Variants in MPP4 observed in about 807,000 individuals in gnomAD.
MPP4 encodes MAGUK p55 scaffold protein 4, also known as MAGUK p55 subfamily member 4.
Under a neutral mutation model 98.3 loss-of-function variants are expected in MPP4, and 91 were observed. The observed-to-expected ratio is 0.93, with a 90% CI of 0.78 to 1.10. The LOEUF is 1.10. Ranked by LOEUF, MPP4 falls within the 50% of genes least tolerant of loss-of-function variation. The pLI is 0.00. For missense variants in MPP4, 744 were observed against 792.9 expected, an observed-to-expected ratio of 0.94 and a Z score of 0.74; for synonymous variants, 261 against 271.8, an observed-to-expected ratio of 0.96 and a Z score of 0.39.
intron 10 of MPP4, 171 bp downstream of exon 10, chr2:201,680,667 A>T (rs1688640044): frequency 1.7e-6 from 1 of 581,606 alleles, no homozygotes; most frequent in Non-Finnish European, 3.0e-6. Flanking sequence ...TTGGTATTTA[A>T]GATGCTTAGG....
intron 1 of MPP4, chr2:201,698,194 C>G (rs1046126379): frequency 6.2e-5 from 36 of 584,112 alleles, no homozygotes; most frequent in Non-Finnish European, 8.0e-5. Flanking sequence ...TGCCACAACC[C>G]CCTACCCTTA....
At chr2:201,687,736 C>T (rs111828638) in intron 4 of MPP4, among the ~76,000 whole-genome samples, 3 of 152,256 alleles carry the variant, frequency 2.0e-5, no homozygotes, top group African/African-American at 7.2e-5. Context: ...GCTTTGCAGG[C>T]TTATGAAGCT....
intron 13 of MPP4, 75 bp downstream of exon 13, chr2:201,666,259 C>G: frequency 7.5e-7 from 1 of 1,341,996 alleles, no homozygotes; most frequent in Non-Finnish European, 1.0e-6. Flanking sequence ...CTTTGGACAC[C>G]TCTGCTTCAG....
chr2:201,658,510 C>A lies in MPP4; in HGVS notation c.1096G>T (p.Glu366Ter). The change falls in exon 16 of 22, where the codon GAG becomes TAG. Residue 366 changes from glutamate (E) to a stop codon, truncating the protein, a stop_gained. Coordinates refer to ENST00000409474, the MANE Select transcript of MPP4 (RefSeq NM_033066.3). LOFTEE classifies it high-confidence loss of function. Reference protein sequence around the residue: ...ESEELSEDKEEFVGYGQKFFI... With the variant: ...ESEELSEDKE Reference sequence around the variant, plus strand: ...AACTTCTGACCGTAGCCAACAAACTCCTCCTTGTCTGAAACACAAAGAACA... The same window carrying A: ...AACTTCTGACCGTAGCCAACAAACTACTCCTTGTCTGAAACACAAAGAACA... The A allele has an allele frequency of 6.2e-7, 1 of 1,612,988 alleles. No homozygotes were observed. Among genetic ancestry groups the A allele is most frequent in the South Asian group, 1.1e-5 (1 of 90,766 alleles).
chr2:201,682,110 T>C lies in MPP4; in HGVS notation c.661-543A>G, dbSNP rs555663797. Among the ~76,000 whole-genome samples, 3 of 152,198 alleles carry C rather than the reference T, an allele frequency of 2.0e-5. No individual in the cohort carries two copies. The South Asian group carries it at 6.2e-4, about 32-fold the overall frequency. On this transcript the variant is annotated intron_variant, in intron 8 of 21. Transcript: ENST00000409474. Reference sequence around the variant, plus strand: ...CTGTTACATACACTGTGATGGGCATTAAACATCTAGAGATTAAGACCCCGT... The same window carrying C: ...CTGTTACATACACTGTGATGGGCATCAAACATCTAGAGATTAAGACCCCGT...
chr2:201,693,412 T>C (rs1689094960), intron 2 of MPP4, among the ~76,000 whole-genome samples: 1 of 152,224 alleles, frequency 6.6e-6, no homozygotes. Flanking sequence ...CTGTATCCTC[T>C]TTCTCTAACT....
Position 201,656,191 on chromosome 2 carries a change from G to A in MPP4, c.1300+7C>T. The stretch of plus-strand genomic sequence containing the variant: ...GAGGAGGAGAGACAGTGCATGCTGG[G>A]ACATACCCATGAGCACTATGAGGCG... On this transcript the variant is annotated splice_region_variant and intron_variant, in intron 17 of 21. Transcript: ENST00000409474. 1.3e-6 allele frequency: 2 copies of A among 1,598,430 alleles called. No homozygotes were observed. The highest frequency in any genetic ancestry group is 1.7e-6 in the Non-Finnish European group (2 of 1,172,330).
rs755115299 is a variant in MPP4, at chr2:201,692,932, C to T, written c.177G>A (p.Ser59=). The T allele has an allele frequency of 7.5e-6, 12 of 1,610,014 alleles. No individual in the cohort carries two copies. Among genetic ancestry groups the T allele is most frequent in the East Asian group, 4.5e-5 (2 of 44,698 alleles). Residue 59 remains serine (S), a synonymous_variant, in exon 3 of 22, where the codon TCG becomes TCA. Transcript: ENST00000409474. ...CCTTTAGCAGAGCCTGAAGCCACGG[C>T]GAGTGGAGGAGATCGTACAAGAGAC... ...GVCLLYDLLH[S]PWLQALLKIY...
intron 21 of MPP4, 78 bp downstream of exon 21, chr2:201,647,613 C>A: frequency 6.6e-7 from 1 of 1,509,274 alleles, no homozygotes; most frequent in Non-Finnish European, 9.0e-7. Context: ...GATCAGAGAT[C>A]CTTGGCCCAG....
At chr2:201,677,460 C>T (rs578107083) in intron 10 of MPP4, among the ~76,000 whole-genome samples, 5 of 152,256 alleles carry the variant, frequency 3.3e-5, no homozygotes, top group Admixed American at 2.0e-4. Context: ...AGCCTTCCTC[C>T]TCACTCTTTC....
intron 11 of MPP4, chr2:201,673,670 T>C (rs1688410122): frequency 6.4e-6 from 1 of 155,240 alleles, no homozygotes; most frequent in Admixed American, 6.5e-5. Flanking sequence ...TGGAAGTTAA[T>C]ATGAAAATAT....
intron 15 of MPP4, 119 bp from the exon 16 acceptor site, chr2:201,658,637 GA>G (rs1687926101): frequency 5.1e-6 from 4 of 784,462 alleles, no homozygotes; most frequent in Non-Finnish European, 8.1e-6. Flanking sequence ...CAGCAGAGTT[GA>G]ATTTATCCTT....
At chr2:201,674,966 T>A (rs1688460850) in intron 11 of MPP4, 1 of 629,920 alleles carries the variant, frequency 1.6e-6, no homozygotes, top group Non-Finnish European at 2.9e-6. Flanking sequence ...TCCCTATGAT[T>A]TCGTCTCTGA....
chr2:201,664,732 A>G (rs1574611879), intron 13 of MPP4, among the ~76,000 whole-genome samples: 1 of 152,370 alleles, frequency 6.6e-6, no homozygotes, highest in East Asian at 1.9e-4. Flanking sequence ...TGGATCAGGC[A>G]ATGCTGCATC....
chr2:201,663,209 A>G (rs1219751549), intron 14 of MPP4, among the ~76,000 whole-genome samples: 1 of 152,198 alleles, frequency 6.6e-6, no homozygotes, highest in Non-Finnish European at 1.5e-5. Flanking sequence ...GTGTTGAAAA[A>G]TGACGCTTTT....
At chr2:201,696,813 T>C (rs563038505) in intron 1 of MPP4, among the ~76,000 whole-genome samples, 2 of 152,234 alleles carry the variant, frequency 1.3e-5, no homozygotes, top group Non-Finnish European at 2.9e-5. Flanking sequence ...AGGCTCGTTT[T>C]GACCCAAAGT....
intron 7 of MPP4, among the ~76,000 whole-genome samples, chr2:201,684,839 A>G (rs1010210051): frequency 6.6e-6 from 1 of 151,564 alleles, no homozygotes; most frequent in African/African-American, 2.4e-5. Context: ...AATCCCAGCT[A>G]CTTGGGAGGC....
chr2:201,646,657 G>T (rs965259934), intron 21 of MPP4: 1 of 152,090 alleles, frequency 6.6e-6, no homozygotes, highest in African/African-American at 2.4e-5. Context: ...GACCTCCATA[G>T]TCATTGCAAA....
At chr2:201,647,579 C>T in intron 21 of MPP4, 112 bp downstream of exon 21, 1 of 1,189,998 alleles carries the variant, frequency 8.4e-7, no homozygotes, top group Non-Finnish European at 1.2e-6. Flanking sequence ...GAGAGGGGGT[C>T]AAAAAGGAGG....
Sources: allele counts gnomAD v4.1 joint callset (sites outside exome capture counted in the v4.1 genomes callset), GRCh38; gene constraint gnomAD v4.1.1; transcripts MANE v1.5; gene names NCBI Gene and HGNC (gene_info 2026-07-23, HGNC 2026-07-21).